ANKRD30B: variants seen among roughly 807,000 people sequenced by gnomAD.
ANKRD30B encodes ankyrin repeat domain 30B.
A neutral mutation model predicts 202.2 loss-of-function variants in ANKRD30B; 144 were observed. The ratio of observed to expected loss-of-function variants is 0.71; its 90% CI spans 0.62 to 0.82. The LOEUF (loss-of-function observed/expected upper bound fraction) is 0.82, where lower values mean the gene tolerates loss of function less well. ANKRD30B is among the 40% of genes least tolerant of loss of function. ANKRD30B has a pLI of 0.00. For missense variants in ANKRD30B, 1,487 were observed against 1,669.1 expected (o/e 0.89, Z 1.90); for synonymous variants, 508 against 561.3 (o/e 0.91, Z 1.34).
intron 16 of ANKRD30B, among the ~76,000 whole-genome samples, chr18:14,792,975 A>T (rs1968626656): frequency 1.3e-5 from 2 of 152,152 alleles, no homozygotes; most frequent in Admixed American, 1.3e-4. Context: ...TACTGATTTT[A>T]ACCTAGAAAA....
chr18:14,910,504 A>ATAT, the ANKRD30B span, among the ~76,000 whole-genome samples: 1 of 148,082 alleles, frequency 6.8e-6, no homozygotes, highest in Admixed American at 6.8e-5. Context: ...TATATATATA[A>ATAT]AATTTCTTTA....
In ANKRD30B at chr18:14,798,758, G is replaced by T. The variant is rs1031305774; in HGVS notation, c.2030-343G>T. ...CTTGGTGATGTGAAACCTCCCTGAC[G>T]GCACATCCATTCACAGGCTCTCTGC... is the stretch of plus-strand genomic sequence containing the variant. On this transcript the variant is annotated intron_variant, in intron 20 of 43. Coordinates refer to ENST00000690538, the MANE Select transcript of ANKRD30B (RefSeq NM_001367607.2). Among the ~76,000 whole-genome samples, 10 of 152,192 alleles carry T rather than the reference G, an allele frequency of 6.6e-5. No homozygotes were observed. The East Asian group carries it at 7.7e-4, about 12-fold the overall frequency.
At chr18:14,849,481 A>T (rs181619116) in intron 40 of ANKRD30B, among the ~76,000 whole-genome samples, 1 of 151,904 alleles carries the variant, frequency 6.6e-6, no homozygotes, top group Non-Finnish European at 1.5e-5. Flanking sequence ...ATGGAATATA[A>T]AGAAAATATA....
chr18:14,879,085 G>A, the ANKRD30B span, among the ~76,000 whole-genome samples: 4 of 151,766 alleles, frequency 2.6e-5, no homozygotes, highest in Non-Finnish European at 4.4e-5. Context: ...GGGACACCGC[G>A]AAGGCAGAGC....
the ANKRD30B span, among the ~76,000 whole-genome samples, chr18:14,861,884 G>T: frequency 6.6e-6 from 1 of 152,072 alleles, no homozygotes; most frequent in African/African-American, 2.4e-5. Context: ...CACATGCTCA[G>T]TCATAAAATA....
At chr18:14,785,837 G>T (rs2143884681) in intron 14 of ANKRD30B, among the ~76,000 whole-genome samples, 1 of 152,166 alleles carries the variant, frequency 6.6e-6, no homozygotes, top group South Asian at 2.1e-4. Flanking sequence ...AGGAGATCGA[G>T]ACCATCCTGG....
chr18:14,940,551 G>A, the ANKRD30B span, among the ~76,000 whole-genome samples: 2 of 152,198 alleles, frequency 1.3e-5, no homozygotes, highest in South Asian at 2.1e-4. Context: ...CTGGGGAAAT[G>A]GGATGAACAA....
chr18:14,839,962 T>A (rs1390622391), intron 36 of ANKRD30B, among the ~76,000 whole-genome samples: 1 of 152,200 alleles, frequency 6.6e-6, no homozygotes, highest in Non-Finnish European at 1.5e-5. Context: ...AGGACTACAG[T>A]GTAAGGCAGA....
chr18:14,870,832 G>A, the ANKRD30B span, among the ~76,000 whole-genome samples: 5 of 152,076 alleles, frequency 3.3e-5, no homozygotes, highest in South Asian at 2.1e-4. Flanking sequence ...CGCTTCCTTG[G>A]CACAGTTTGT....
chr18:14,921,535 G>A, the ANKRD30B span, among the ~76,000 whole-genome samples: 3 of 151,262 alleles, frequency 2.0e-5, no homozygotes, highest in African/African-American at 4.9e-5. Context: ...GAGATCCTCA[G>A]TGAGGGTAGA....
rs1384604753 is a variant in ANKRD30B at position 14,748,427 on chromosome 18, G to A, written c.8G>A (p.Arg3Lys). 1.5e-5 allele frequency: 23 copies of A among 1,505,320 alleles called. No individual in the cohort carries two copies. In the South Asian group the frequency reaches 2.2e-4, roughly 14 times the overall value. 93.2% of individuals were successfully genotyped at this position (1,505,320 alleles called of 1,614,324 possible). Residue 3 changes from arginine to lysine, a missense_variant, in exon 1 of 44, where the codon AGG (arginine) becomes AAG (lysine). Physicochemically the swap from Arg to Lys is conservative, Grantham distance 26. Transcript: ENST00000690538. Reference sequence around the variant, plus strand: ...TAGCAGGGGGCTGCAGCCATGAAGAGGCTCTTAGCTGCCGCTGGCAAGGGC... The same window carrying A: ...TAGCAGGGGGCTGCAGCCATGAAGAAGCTCTTAGCTGCCGCTGGCAAGGGC... Reference protein sequence around the residue: MKRLLAAAGKGVR... With the variant: MKKLLAAAGKGVR...
At chr18:14,866,540 A>G in the ANKRD30B span, among the ~76,000 whole-genome samples, 5 of 152,158 alleles carry the variant, frequency 3.3e-5, no homozygotes, top group South Asian at 4.1e-4. Context: ...ACCGTGCCCA[A>G]CGCTGGCAGC....
chr18:14,866,946 A>T, the ANKRD30B span, among the ~76,000 whole-genome samples: 1 of 146,406 alleles, frequency 6.8e-6, no homozygotes, highest in Non-Finnish European at 1.5e-5. Context: ...ATGAGCTACA[A>T]TGTCAGCAAC....
At chr18:14,832,984 T>C (rs1214971521) in intron 34 of ANKRD30B, among the ~76,000 whole-genome samples, 2 of 152,200 alleles carry the variant, frequency 1.3e-5, no homozygotes, top group African/African-American at 2.4e-5. Flanking sequence ...TCGCCCAGGT[T>C]GTAGTGCAGT....
At chr18:14,763,403 C>T (rs993218310) in intron 6 of ANKRD30B, among the ~76,000 whole-genome samples, 1 of 151,972 alleles carries the variant, frequency 6.6e-6, no homozygotes, top group Non-Finnish European at 1.5e-5. Context: ...AAAAATTAGC[C>T]AGGTGATGTG....
chr18:14,882,933 G>T, the ANKRD30B span, among the ~76,000 whole-genome samples: 2 of 152,070 alleles, frequency 1.3e-5, no homozygotes, highest in Non-Finnish European at 2.9e-5. Flanking sequence ...ACTGCTGCTC[G>T]CTTTTGGTGT....
At chr18:14,882,731 T>G in the ANKRD30B span, among the ~76,000 whole-genome samples, 147,945 of 151,654 alleles carry the variant, frequency 0.98, 72,277 homozygotes, top group Middle Eastern at 1. Flanking sequence ...TCATTGTGTT[T>G]CTGTCTATCT....
At chr18:14,842,302 ATGATTACAC>A (rs1366872836) in intron 37 of ANKRD30B, among the ~76,000 whole-genome samples, 2 of 152,270 alleles carry the variant, frequency 1.3e-5, no homozygotes, top group African/African-American at 4.8e-5. Flanking sequence ...ATGTAGGCAT[ATGATTACAC>A]TGCAAGGATA....
At position 14,754,966 on chromosome 18, in the gene ANKRD30B, C is replaced by CA. The variant is rs1207049839; in HGVS notation, c.584dup (p.Asn195LysfsTer8). The CA allele has an allele frequency of 6.5e-7, 1 of 1,545,508 alleles. No individual in the cohort carries two copies. The highest frequency in any genetic ancestry group is 1.2e-5 in the South Asian group (1 of 82,278). On this transcript the variant is annotated frameshift_variant, in exon 4 of 44. Transcript: ENST00000690538. LOFTEE classifies it high-confidence loss of function. ...AAGCAAACTGTGGAATTTTTACTAA[C>CA]AAAAAATGCAAATGCAAACGCATTT...
Sources: gnomAD v4.1 joint callset for allele counts (sites outside exome capture counted in the v4.1 genomes callset) on GRCh38, gnomAD v4.1.1 for gene constraint, MANE v1.5 for transcripts, NCBI Gene and HGNC (gene_info 2026-07-23, HGNC 2026-07-21) for gene names.